Variants in NOA1 observed in about 807,000 individuals in gnomAD.
The protein encoded by NOA1 is nitric oxide-associated protein 1.
NOA1 carries 35 observed loss-of-function variants against 58.4 expected under a neutral mutation model. The observed-to-expected ratio is 0.60, with a 90% CI of 0.46 to 0.79. The LOEUF is 0.79. NOA1 is among the 30% of genes least tolerant of loss of function. The pLI, the probability that NOA1 is intolerant of heterozygous loss-of-function variation, is 0.00. For missense variants in NOA1, 895 were observed against 894.6 expected, an observed-to-expected ratio of 1.00 and a Z score of -0.01; for synonymous variants, 397 against 373.4, an observed-to-expected ratio of 1.06 and a Z score of -0.73.
Position 56,976,553 on chromosome 4 carries a change from C to T in NOA1, c.1033G>A (p.Gly345Ser), listed in dbSNP as rs1474964563. Residue 345 changes from glycine to serine, a missense_variant, in exon 1 of 7, where the codon GGC becomes AGC. Around this residue, in one of 3 missense-constraint regions of NOA1, gnomAD observed 680 missense variants for 656.5 expected, o/e 1.04. Transcript: ENST00000264230. The stretch of plus-strand genomic sequence containing the variant: ...GTGGATTTGCCGGCGTTGGTGGCGC[C>T]CACTAAGTAGACGTCCCCACGGTAG... ...WRYRGDVYLV[G>S]ATNAGKSTLF... The T allele has an allele frequency of 1.2e-5, 20 of 1,614,102 alleles. No individual in the cohort carries two copies. The Admixed American group carries it at 3.3e-4, about 27-fold the overall frequency.
At position 56,965,835 on chromosome 4, in the gene NOA1, C is replaced by T. The variant is rs375806081; in HGVS notation, c.1764+785G>A. Among the ~76,000 whole-genome samples the T allele has an allele frequency of 3.5e-3, 400 of 115,060 alleles. 5 individuals are homozygous for T. The highest frequency in any genetic ancestry group is 0.018 in the South Asian group (65 of 3,534). The allele number at this position is 115,060 out of a possible 152,430, so 75.5% of individuals were successfully genotyped here. On this transcript the variant is annotated intron_variant, in intron 5 of 6. Transcript: ENST00000264230. ...TAAGCAACCATATTTTAAATTTTCC[C>T]TTTTTTTTTTTTTTTTTTAGAGACA...
rs759832067 is a variant in NOA1, at chr4:56,963,457, T to C, written c.2090A>G (p.Asn697Ser). 6.2e-6 allele frequency: 10 copies of C among 1,613,708 alleles called. No individual in the cohort carries two copies. The South Asian group carries it at 6.6e-5, about 11-fold the overall frequency. The change falls in exon 7 of 7, where the codon AAT becomes AGT. Residue 697 changes from asparagine (N) to serine (S), a missense_variant. Physicochemically the swap from Asn to Ser is conservative, Grantham distance 46. Coordinates refer to ENST00000264230, the MANE Select transcript of NOA1 (RefSeq NM_032313.4). ...GAGTGAACAAGGTCGGTCTCATACA[T>C]TTATCTTTCCTTTCTTCTTCCTCAC... ...YNVRKKKGKI[N>S]V
chr4:56,973,066 G>T, intron 3 of NOA1, 82 bp downstream of exon 3: 1 of 1,182,638 alleles, frequency 8.5e-7, no homozygotes, highest in Non-Finnish European at 1.3e-6. Flanking sequence ...TGATAAATTG[G>T]CTGTATCTGG....
Position 56,977,217 on chromosome 4 carries a change from C to T in NOA1, c.369G>A (p.Glu123=). 1 of 1,578,212 alleles carries T rather than the reference C, an allele frequency of 6.3e-7. No individual in the cohort carries two copies. The highest frequency in any genetic ancestry group is 8.6e-7 in the Non-Finnish European group (1 of 1,164,346). The change falls in exon 1 of 7, where the codon GAG becomes GAA. Residue 123 remains glutamate (E), a synonymous_variant. Coordinates refer to ENST00000264230, the MANE Select transcript of NOA1 (RefSeq NM_032313.4). ...RQQNLRARSR[E]HPVVGHPDPA... Reference sequence around the variant, plus strand: ...GGTCCGGGTGCCCCACGACCGGGTGCTCCCGGGACCTGGCCCGTAGGTTTT... The same window carrying T: ...GGTCCGGGTGCCCCACGACCGGGTGTTCCCGGGACCTGGCCCGTAGGTTTT...
rs1278156274 is a variant in NOA1 at position 56,968,639 on chromosome 4, CAG to C, written c.1516-126_1516-125del. 4 of 754,808 alleles carry C rather than the reference CAG, an allele frequency of 5.3e-6. No homozygotes were observed. In the African/African-American group the frequency reaches 5.3e-5, roughly 10 times the overall value. 46.8% of individuals were successfully genotyped at this position (754,808 alleles called of 1,614,324 possible). On this transcript the variant is annotated intron_variant, in intron 3 of 6. Coordinates refer to ENST00000264230, the MANE Select transcript of NOA1 (RefSeq NM_032313.4). ...GACTTCAAAATAAACCAAATTATGT[CAG>C]AGTTTGCTATGCATCAAATTTATAT...
intron 5 of NOA1, among the ~76,000 whole-genome samples, chr4:56,965,470 G>A (rs891395734): frequency 6.6e-6 from 1 of 152,096 alleles, no homozygotes; most frequent in Non-Finnish European, 1.5e-5. Context: ...GCATCTATAA[G>A]TACTATGGTT....
chr4:56,975,854 GACA>G, intron 1 of NOA1, among the ~76,000 whole-genome samples: 1 of 151,932 alleles, frequency 6.6e-6, no homozygotes, highest in Admixed American at 6.6e-5. Context: ...AACAGAGCAA[GACA>G]AGACTCCGTC....
In NOA1 at chr4:56,963,455, C is replaced by T. The variant is rs776788258; in HGVS notation, c.2092G>A (p.Val698Ile). 17 of 1,613,330 alleles carry T rather than the reference C, an allele frequency of 1.1e-5. No homozygotes were observed. Among genetic ancestry groups the T allele is most frequent in the Admixed American group, 6.7e-5 (4 of 59,978 alleles). ...TGGAGTGAACAAGGTCGGTCTCATA[C>T]ATTTATCTTTCCTTTCTTCTTCCTC... ...NVRKKKGKIN[V>I] Residue 698 changes from valine to isoleucine, a missense_variant, in exon 7 of 7, where the codon GTA becomes ATA. Around this residue, in one of 3 missense-constraint regions of NOA1, gnomAD observed 212 missense variants for 221.3 expected, o/e 0.96. Coordinates refer to ENST00000264230, the MANE Select transcript of NOA1 (RefSeq NM_032313.4).
At position 56,976,650 on chromosome 4, in the gene NOA1, G is replaced by C; in HGVS notation, c.936C>G (p.Asp312Glu). Residue 312 changes from aspartate to glutamate, a missense_variant, in exon 1 of 7, where the codon GAC (aspartate) becomes GAG (glutamate). Transcript: ENST00000264230. ...PPNWSRTVVR[D>E]VRLISAKTGY... is the part of the protein sequence containing the mutation. ...CGGTCTTGGCGCTGATCAGCCGCAC[G>C]TCCCTGACCACTGTGCGGGACCAGT... 1 of 1,614,110 alleles carries C rather than the reference G, an allele frequency of 6.2e-7. No homozygotes were observed. Among genetic ancestry groups the C allele is most frequent in the Non-Finnish European group, 8.5e-7 (1 of 1,179,950 alleles).
chr4:56,964,526 T>A lies in NOA1; in HGVS notation c.1765A>T (p.Ile589Phe), dbSNP rs778368035. ...QKHAGHTLLQ[I>F]PMGGKERMAG... ...ATTCGTTCTTTTCCACCCATTGGAA[T>A]CTTCCAATGAAATAAAGATATTTAC... is the stretch of plus-strand genomic sequence containing the variant. The change falls in exon 6 of 7, where the codon ATT (isoleucine) becomes TTT (phenylalanine). Residue 589 changes from isoleucine (I) to phenylalanine (F), a missense_variant and splice_region_variant. Coordinates refer to ENST00000264230, the MANE Select transcript of NOA1 (RefSeq NM_032313.4). The A allele has an allele frequency of 6.2e-7, 1 of 1,611,740 alleles. No homozygotes were observed.
At position 56,977,181 on chromosome 4, in the gene NOA1, C is replaced by CG. The variant is rs1560466521; in HGVS notation, c.404dup (p.Pro136AlafsTer221). The CG allele has an allele frequency of 6.4e-7, 1 of 1,562,538 alleles. No homozygotes were observed. Among genetic ancestry groups the CG allele is most frequent in the South Asian group, 1.1e-5 (1 of 87,018 alleles). The stretch of plus-strand genomic sequence containing the variant: ...AGCCCGAGCAGTTCACGCCGCTGGG[C>CG]GGCAATGCCGGGTCCGGGTGCCCCA... On this transcript the variant is annotated frameshift_variant, in exon 1 of 7. Coordinates refer to ENST00000264230, the MANE Select transcript of NOA1 (RefSeq NM_032313.4). LOFTEE classifies it high-confidence loss of function.
chr4:56,969,609 G>A (rs1354031534), intron 3 of NOA1, among the ~76,000 whole-genome samples: 1 of 152,006 alleles, frequency 6.6e-6, no homozygotes, highest in African/African-American at 2.4e-5. Flanking sequence ...ATAAAAAATA[G>A]AAATGATACA....
chr4:56,968,725 A>C (rs532968264), intron 3 of NOA1, among the ~76,000 whole-genome samples: 3 of 152,352 alleles, frequency 2.0e-5, no homozygotes, highest in Admixed American at 1.3e-4. Context: ...TTTACAACTT[A>C]ATCTACAGTA....
At position 56,963,404 on chromosome 4, in the gene NOA1, T is replaced by A; in HGVS notation, c.*46A>T. The A allele has an allele frequency of 7.2e-7, 1 of 1,386,894 alleles. No individual in the cohort carries two copies. Among genetic ancestry groups the A allele is most frequent in the South Asian group, 1.2e-5 (1 of 85,410 alleles). 85.9% of individuals were successfully genotyped at this position (1,386,894 alleles called of 1,614,324 possible). Reference sequence around the variant, plus strand: ...ATGTTTAATACAAATTCAATGTATTTTGTTGTGTTCAATACAGTTAATATC... The same window carrying A: ...ATGTTTAATACAAATTCAATGTATTATGTTGTGTTCAATACAGTTAATATC... On this transcript the variant is annotated 3_prime_UTR_variant, in exon 7 of 7. Transcript: ENST00000264230.
At chr4:56,974,089 A>AC in intron 1 of NOA1, 67 bp from the exon 2 acceptor site, 2 of 997,814 alleles carry the variant, frequency 2.0e-6, no homozygotes, top group Non-Finnish European at 1.4e-6. Flanking sequence ...AACATTTTTG[A>AC]GGATCTACAC....
Position 56,976,815 on chromosome 4 carries a change from A to G in NOA1, c.771T>C (p.Ala257=). ...CCCGCAGCCTCTGCCGGTAGCCAGG[A>G]GCATCCTGGGGCAGGAGGTCCACTT... ...GNKVDLLPQD[A]PGYRQRLRER... is the part of the protein sequence containing the mutation. The change falls in exon 1 of 7, where the codon GCT becomes GCC. Residue 257 remains alanine, a synonymous_variant. Transcript: ENST00000264230. The G allele has an allele frequency of 6.2e-7, 1 of 1,611,486 alleles. No individual in the cohort carries two copies. The highest frequency in any genetic ancestry group is 8.5e-7 in the Non-Finnish European group (1 of 1,178,628).
At chr4:56,971,718 G>A (rs1721813982) in intron 3 of NOA1, among the ~76,000 whole-genome samples, 1 of 152,086 alleles carries the variant, frequency 6.6e-6, no homozygotes, top group East Asian at 1.9e-4. Flanking sequence ...TCTGAATGAA[G>A]ATCCAAACTG....
At chr4:56,965,693 G>GGTGTGTGTGTGTGTGTGT (rs10548713) in intron 5 of NOA1, among the ~76,000 whole-genome samples, 4 of 149,062 alleles carry the variant, frequency 2.7e-5, no homozygotes, top group African/African-American at 7.4e-5. Context: ...TCCAAAGTAT[G>GGTGTGTGTGTGTGTGTGT]GTGTGTGTGT....
intron 6 of NOA1, 143 bp downstream of exon 6, chr4:56,964,263 C>T (rs1721659021): frequency 1.2e-6 from 1 of 830,808 alleles, no homozygotes; most frequent in African/African-American, 1.7e-5. Flanking sequence ...GACGGGGTTT[C>T]TCCATGTTGG....
Sources: gnomAD v4.1 joint callset for allele counts (sites outside exome capture counted in the v4.1 genomes callset) on GRCh38, gnomAD v4.1.1 for gene constraint, gnomAD v4.1.1 regional missense constraint, MANE v1.5 for transcripts, NCBI Gene and HGNC (gene_info 2026-07-23, HGNC 2026-07-21) for gene names.